Variants in SF3B2 observed in about 807,000 individuals in gnomAD.
The protein encoded by SF3B2 is splicing factor 3b subunit 2, also known as SAP 145.
A neutral mutation model predicts 116.3 loss-of-function variants in SF3B2; 22 were observed. The observed-to-expected ratio is 0.19, with a 90% confidence interval of 0.14 to 0.27. The LOEUF is 0.27. SF3B2 is among the 10% of genes least tolerant of loss of function. SF3B2 has a pLI of 1.00. For synonymous variants in SF3B2, 406 were observed against 421.6 expected (o/e 0.96, Z 0.45); for missense variants, 767 against 1,151.4 (o/e 0.67, Z 4.83).
intron 7 of SF3B2, among the ~76,000 whole-genome samples, 160 bp from the exon 8 acceptor site, chr11:66,057,894 C>G (rs1418455532): frequency 6.6e-6 from 1 of 150,656 alleles, no homozygotes; most frequent in Non-Finnish European, 1.5e-5. Context: ...ATTGCTTGAA[C>G]CTGGGAGGCG....
rs1419797951 is a variant in SF3B2, at chr11:66,058,342, C to A, written c.903C>A (p.Arg301=). 43 of 1,613,946 alleles carry A rather than the reference C, an allele frequency of 2.7e-5. No individual in the cohort carries two copies. The highest frequency in any genetic ancestry group is 3.6e-5 in the Non-Finnish European group (42 of 1,180,028). The change falls in exon 9 of 22, where the codon CGC becomes CGA. Residue 301 remains arginine (R), a synonymous_variant. Coordinates refer to ENST00000322535, the MANE Select transcript of SF3B2 (RefSeq NM_006842.3). ...QEEEEMETDA[R]SSLGQSASET... ...AAGAGGAAATGGAAACAGATGCTCG[C>A]TCGTCCCTGGGCCAGTCAGCGTCAG...
chr11:66,056,985 A>T, intron 6 of SF3B2, 30 bp downstream of exon 6: 1 of 1,509,224 alleles, frequency 6.6e-7, no homozygotes, highest in Non-Finnish European at 9.2e-7. Flanking sequence ...GGGAAGGGCA[A>T]GGAAGGTGAT....
chr11:66,054,310 C>T (rs887572335), intron 3 of SF3B2, among the ~76,000 whole-genome samples: 1 of 151,714 alleles, frequency 6.6e-6, no homozygotes, highest in Non-Finnish European at 1.5e-5. Context: ...AACCTTGTCT[C>T]TACTAAAAAT....
intron 9 of SF3B2, 24 bp from the exon 10 acceptor site, chr11:66,058,806 A>G: frequency 1.9e-6 from 3 of 1,598,152 alleles, no homozygotes; most frequent in Non-Finnish European, 2.6e-6. Flanking sequence ...TCCCTGACCC[A>G]GCTGGTTTTC....
chr11:66,053,266 A>G, intron 3 of SF3B2, 162 bp downstream of exon 3: 1 of 702,508 alleles, frequency 1.4e-6, no homozygotes. Flanking sequence ...TGTTCAGGGT[A>G]GCCCTTCCTC....
chr11:66,063,717 A>G lies in SF3B2; in HGVS notation c.2318A>G (p.Glu773Gly). The G allele has an allele frequency of 6.2e-7, 1 of 1,612,224 alleles. No individual in the cohort carries two copies. Among genetic ancestry groups the G allele is most frequent in the Non-Finnish European group, 8.5e-7 (1 of 1,179,332 alleles). The stretch of plus-strand genomic sequence containing the variant: ...GAGCTGAGGAAGAAGAAGATTGAGG[A>G]GGCGATGGACGGGTAAGGGTACCAG... ...LIELRKKKIE[E>G]AMDGSETPQL... The change falls in exon 19 of 22, where the codon GAG becomes GGG. Residue 773 changes from glutamate to glycine, a missense_variant. Around this residue, in one of 4 missense-constraint regions of SF3B2, gnomAD observed 282 missense variants for 568.0 expected, o/e 0.50. Coordinates refer to ENST00000322535, the MANE Select transcript of SF3B2 (RefSeq NM_006842.3).
rs770561278 is a variant in SF3B2, at chr11:66,053,087, C to A, written c.241C>A (p.Pro81Thr). The change falls in exon 3 of 22, where the codon CCT (proline) becomes ACT (threonine). Residue 81 changes from proline (P) to threonine (T), a missense_variant. Transcript: ENST00000322535. Reference sequence around the variant, plus strand: ...GGAAGATGGGGACAAAGCCGCTCCACCTCCCATGTCGGCACAGGTAGGGAG... The same window carrying A: ...GGAAGATGGGGACAAAGCCGCTCCAACTCCCATGTCGGCACAGGTAGGGAG... Reference protein sequence around the residue: ...RGEDGDKAAPPPMSAQLPGIP... With the variant: ...RGEDGDKAAPTPMSAQLPGIP... The A allele has an allele frequency of 6.2e-7, 1 of 1,614,088 alleles. No homozygotes were observed. The highest frequency in any genetic ancestry group is 1.1e-5 in the South Asian group (1 of 91,084).
At chr11:66,068,395 G>C (rs540781454) in intron 21 of SF3B2, 62 bp downstream of exon 21, 17 of 1,488,616 alleles carry the variant, frequency 1.1e-5, no homozygotes, top group Non-Finnish European at 1.5e-5. Context: ...GCCGTTTTCA[G>C]TGGCATGGTG....
chr11:66,060,452 G>A, intron 13 of SF3B2, 130 bp from the exon 14 acceptor site: 1 of 1,086,094 alleles, frequency 9.2e-7, no homozygotes, highest in Non-Finnish European at 1.3e-6. Flanking sequence ...GTTTTAGCAG[G>A]AAGGATTTTG....
intron 16 of SF3B2, among the ~76,000 whole-genome samples, chr11:66,062,739 C>T (rs574480487): frequency 1.3e-5 from 2 of 152,258 alleles, no homozygotes; most frequent in South Asian, 2.1e-4. Flanking sequence ...TTTCAATGTA[C>T]GTATTTTGGT....
At chr11:66,062,877 A>AT (rs1857121535) in intron 16 of SF3B2, 132 bp from the exon 17 acceptor site, 1 of 510,040 alleles carries the variant, frequency 2.0e-6, no homozygotes, top group East Asian at 3.3e-5. Context: ...ATAACATTTG[A>AT]TTTAATTCTG....
At chr11:66,061,162 A>T (rs1261032991) in intron 14 of SF3B2, among the ~76,000 whole-genome samples, 5 of 152,164 alleles carry the variant, frequency 3.3e-5, no homozygotes, top group Non-Finnish European at 7.4e-5. Context: ...CTACCCTCGG[A>T]TGAGATGGAA....
Position 66,055,026 on chromosome 11 carries a change from G to A in SF3B2, c.259-50G>A, listed in dbSNP as rs756982084. On this transcript the variant is annotated intron_variant, in intron 3 of 21. Coordinates refer to ENST00000322535, the MANE Select transcript of SF3B2 (RefSeq NM_006842.3). ...AAAGTAGATCCCCCAGATATTTGCA[G>A]AATGAGTAGATAAATGCTTCCTAGT... is the stretch of plus-strand genomic sequence containing the variant. The A allele has an allele frequency of 2.7e-6, 4 of 1,486,042 alleles. No homozygotes were observed. In the East Asian group the frequency reaches 7.1e-5, roughly 26 times the overall value. 92.1% of individuals were successfully genotyped at this position (1,486,042 alleles called of 1,614,324 possible). A position where few individuals can be genotyped will look rare whatever the true frequency, so the allele number is the denominator to read the frequency against.
Position 66,063,060 on chromosome 11 carries a change from G to A in SF3B2, c.2029G>A (p.Glu677Lys). The A allele has an allele frequency of 6.2e-7, 1 of 1,614,178 alleles. No individual in the cohort carries two copies. The highest frequency in any genetic ancestry group is 8.5e-7 in the Non-Finnish European group (1 of 1,180,014). Residue 677 changes from glutamate to lysine, a missense_variant, in exon 17 of 22, where the codon GAG becomes AAG. Around this residue, in one of 4 missense-constraint regions of SF3B2, gnomAD observed 282 missense variants for 568.0 expected, o/e 0.50. Coordinates refer to ENST00000322535, the MANE Select transcript of SF3B2 (RefSeq NM_006842.3). ...AGGWGKPPVDETGKPLYGDVF... is the reference protein window; with the variant it reads ...AGGWGKPPVDKTGKPLYGDVF... Reference sequence around the variant, plus strand: ...TGGCTGGGGCAAACCTCCAGTGGATGAGACTGGGAAACCGCTCTATGGGGA... The same window carrying A: ...TGGCTGGGGCAAACCTCCAGTGGATAAGACTGGGAAACCGCTCTATGGGGA...
chr11:66,059,362 G>C lies in SF3B2; in HGVS notation c.1320+24G>C. The C allele has an allele frequency of 6.2e-7, 1 of 1,613,604 alleles. No individual in the cohort carries two copies. Among genetic ancestry groups the C allele is most frequent in the Non-Finnish European group, 8.5e-7 (1 of 1,179,748 alleles). On this transcript the variant is annotated intron_variant, in intron 11 of 21. Coordinates refer to ENST00000322535, the MANE Select transcript of SF3B2 (RefSeq NM_006842.3). The surrounding 1 kb of genome is among the most constrained non-coding windows in gnomAD (Gnocchi z 5.0). ...AGGTCAGGCCCAGCCCTCCTGGTGGGAAGCAGGGACTCTGGGCACAGGTGG... is the reference window on the plus strand; with the variant it reads ...AGGTCAGGCCCAGCCCTCCTGGTGGCAAGCAGGGACTCTGGGCACAGGTGG...
rs75914742 is a variant in SF3B2, at chr11:66,067,389, G to T, written c.2331-557G>T. 4,152 of 456,252 alleles carry T rather than the reference G, an allele frequency of 9.1e-3. 166 individuals carry two copies. The highest frequency in any genetic ancestry group is 0.076 in the African/African-American group (3,818 of 50,156). 28.3% of individuals were successfully genotyped at this position (456,252 alleles called of 1,614,324 possible). On this transcript the variant is annotated intron_variant, in intron 19 of 21. Transcript: ENST00000322535. ...TTTTAAGGTATTTTCTCTGGCTCCT[G>T]TGTGGACAATAGATTGTCACCTCTT... is the stretch of plus-strand genomic sequence containing the variant.
chr11:66,060,992 C>A (rs1013347691), intron 14 of SF3B2, among the ~76,000 whole-genome samples: 1 of 151,978 alleles, frequency 6.6e-6, no homozygotes, highest in African/African-American at 2.4e-5. Context: ...GACAGGGTTT[C>A]GCTATGTTGC....
At position 66,068,718 on chromosome 11, in the gene SF3B2, C is replaced by A; in HGVS notation, c.2661C>A (p.Ser887Arg). The change falls in exon 22 of 22, where the codon AGC (serine) becomes AGA (arginine). Residue 887 changes from serine to arginine, a missense_variant. Physicochemically the swap from Ser to Arg is moderately radical, Grantham distance 110 (BLOSUM62 -1). Coordinates refer to ENST00000322535, the MANE Select transcript of SF3B2 (RefSeq NM_006842.3). ...KAQPQDSRGG[S>R]KKYKEFKF ...AGCCCCAGGACAGCCGTGGGGGCAG[C>A]AAGAAATATAAGGAGTTCAAGTTTT... is the stretch of plus-strand genomic sequence containing the variant. 1 of 1,614,038 alleles carries A rather than the reference C, an allele frequency of 6.2e-7. No homozygotes were observed. The highest frequency in any genetic ancestry group is 1.1e-5 in the South Asian group (1 of 91,084).
chr11:66,054,437 A>G (rs1022509303), intron 3 of SF3B2, among the ~76,000 whole-genome samples: 19 of 149,558 alleles, frequency 1.3e-4, no homozygotes, highest in African/African-American at 4.7e-4. Context: ...AGATTGCGCC[A>G]TTGCACTCCA....
Sources: gnomAD v4.1 joint callset for allele counts (sites outside exome capture counted in the v4.1 genomes callset) on GRCh38, gnomAD v4.1.1 for gene constraint, gnomAD v4.1.1 regional missense constraint, Gnocchi (gnomAD v3.1) non-coding constraint, MANE v1.5 for transcripts, NCBI Gene and HGNC (gene_info 2026-07-23, HGNC 2026-07-21) for gene names.